The following PCDHA1 variants were observed in gnomAD, a reference collection of about 807,000 sequenced individuals.
PCDHA1 encodes protocadherin alpha 1, also known as protocadherin alpha-1.
A neutral mutation model predicts 61.3 loss-of-function variants in PCDHA1; 42 were observed. That is an observed-to-expected ratio of 0.69 (90% CI 0.54 to 0.89). The LOEUF (loss-of-function observed/expected upper bound fraction) is 0.89, where lower values mean the gene tolerates loss of function less well. Among genes scored for constraint, PCDHA1 ranks in the 40% least tolerant of loss-of-function variants. The pLI is 0.00. For missense variants in PCDHA1, 1,256 were observed against 1,235.3 expected (o/e 1.02, Z -0.25); for synonymous variants, 610 against 553.8 (o/e 1.10, Z -1.43).
At chr5:140,883,105 C>T in intron 1 of PCDHA1, 1 of 1,614,056 alleles carries the variant, frequency 6.2e-7, no homozygotes, top group Non-Finnish European at 8.5e-7. Context: ...ATATAGTTTA[C>T]TCATTTAGAA....
intron 1 of PCDHA1, among the ~76,000 whole-genome samples, chr5:140,958,944 T>G (rs199974895): frequency 1.0e-5 from 1 of 100,018 alleles, no homozygotes; most frequent in African/African-American, 4.8e-5. Context: ...TGTAATAATA[T>G]TATATTATTA....
intron 1 of PCDHA1, among the ~76,000 whole-genome samples, chr5:140,934,050 C>T (rs558726288): frequency 6.6e-6 from 1 of 151,952 alleles, no homozygotes; most frequent in East Asian, 1.9e-4. Flanking sequence ...TTAGTCTTTC[C>T]AAGGCTAACT....
chr5:140,823,502 T>A, intron 1 of PCDHA1: 23 of 1,613,260 alleles, frequency 1.4e-5, no homozygotes, highest in Non-Finnish European at 1.9e-5. Context: ...GGCGGCGCAG[T>A]GAGCGAGCTG....
At chr5:140,863,631 G>A (rs2048100597) in intron 1 of PCDHA1, 1 of 306,834 alleles carries the variant, frequency 3.3e-6, no homozygotes, top group Non-Finnish European at 6.4e-6. Flanking sequence ...CATTGATAAT[G>A]TTCACCAAGT....
At chr5:140,790,529 G>T (rs1220868938) in intron 1 of PCDHA1, among the ~76,000 whole-genome samples, 3 of 152,002 alleles carry the variant, frequency 2.0e-5, no homozygotes, top group African/African-American at 4.8e-5. Context: ...ATATATTATC[G>T]TACTCAGCCT....
At chr5:140,823,803 G>A in intron 1 of PCDHA1, 4 of 1,613,842 alleles carry the variant, frequency 2.5e-6, no homozygotes, top group South Asian at 1.1e-5. Flanking sequence ...AGGCGCCGAA[G>A]GCCTCATCGC....
At chr5:140,927,033 G>T in intron 1 of PCDHA1, 1 of 1,612,344 alleles carries the variant, frequency 6.2e-7, no homozygotes, top group Non-Finnish European at 8.5e-7. Context: ...GGCTGCCAGC[G>T]GCCGCTATGT....
rs563512273 is a variant in PCDHA1 at position 140,921,751 on chromosome 5, A to G, written c.2395-57198A>G. Among the ~76,000 whole-genome samples, 11 of 152,290 alleles carry G rather than the reference A, an allele frequency of 7.2e-5. No homozygotes were observed. The East Asian group carries it at 7.7e-4, about 11-fold the overall frequency. On this transcript the variant is annotated intron_variant, in intron 1 of 3. Coordinates refer to ENST00000504120, the MANE Select transcript of PCDHA1 (RefSeq NM_018900.4). ...ATAAAAATTATAAGCATAACAGGAC[A>G]CTTCTTGGCTACTATTCAATACTGA...
At chr5:140,898,366 A>G (rs1401153740) in intron 1 of PCDHA1, among the ~76,000 whole-genome samples, 1 of 152,132 alleles carries the variant, frequency 6.6e-6, no homozygotes, top group Non-Finnish European at 1.5e-5. Flanking sequence ...TAATTTTTGT[A>G]TAAGGTGTAA....
intron 1 of PCDHA1, chr5:140,850,438 T>A: frequency 6.3e-7 from 1 of 1,597,768 alleles, no homozygotes; most frequent in Non-Finnish European, 8.6e-7. Context: ...CAGCGCCTAC[T>A]GGTGCTGGTG....
At chr5:140,882,684 G>A (rs781811851) in intron 1 of PCDHA1, 3 of 1,614,172 alleles carry the variant, frequency 1.9e-6, no homozygotes, top group South Asian at 1.1e-5. Context: ...AGCAAGAAAC[G>A]AATAATCATT....
Position 140,786,572 on chromosome 5 carries a change from G to A in PCDHA1, c.282G>A (p.Glu94=), listed in dbSNP as rs782634367. 6.2e-7 allele frequency: 1 copy of A among 1,614,272 alleles called. No homozygotes were observed. Among genetic ancestry groups the A allele is most frequent in the South Asian group, 1.1e-5 (1 of 91,090 alleles). Reference sequence around the variant, plus strand: ...TGAATTCTCGGATCGATCGCGAGGAGCTGTGCCAGTGGAGCGCGGAGTGCA... The same window carrying A: ...TGAATTCTCGGATCGATCGCGAGGAACTGTGCCAGTGGAGCGCGGAGTGCA... ...LFVNSRIDRE[E]LCQWSAECSI... is the part of the protein sequence containing the mutation. The change falls in exon 1 of 4, where the codon GAG becomes GAA. Residue 94 remains glutamate, a synonymous_variant. Transcript: ENST00000504120.
chr5:141,007,478 G>A (rs1041976706), intron 3 of PCDHA1, among the ~76,000 whole-genome samples: 5 of 151,620 alleles, frequency 3.3e-5, no homozygotes, highest in Admixed American at 6.6e-5. Context: ...TGAGGCACGA[G>A]AATTACTTGG....
intron 1 of PCDHA1, among the ~76,000 whole-genome samples, chr5:140,916,814 G>A (rs1201189287): frequency 3.3e-5 from 5 of 152,112 alleles, no homozygotes; most frequent in African/African-American, 1.2e-4. Context: ...TAGGTCATGT[G>A]CCACCCCTAT....
chr5:140,842,826 G>C (rs2150345442), intron 1 of PCDHA1: 2 of 1,593,690 alleles, frequency 1.3e-6, no homozygotes, highest in East Asian at 2.2e-5. Context: ...GTGGGCGAGC[G>C]CTCGCTGTCG....
chr5:140,796,662 G>A (rs1319755218), intron 1 of PCDHA1: 9 of 1,613,872 alleles, frequency 5.6e-6, no homozygotes, highest in Admixed American at 1.7e-5. Context: ...CGGCACTGTT[G>A]GCGCCTAGGG....
intron 1 of PCDHA1, among the ~76,000 whole-genome samples, chr5:140,908,608 G>T (rs1350424326): frequency 6.6e-6 from 1 of 152,182 alleles, no homozygotes; most frequent in African/African-American, 2.4e-5. Flanking sequence ...GAAGGGCCTT[G>T]CTCCAAAATC....
chr5:140,997,133 C>A (rs1554255761), intron 3 of PCDHA1, among the ~76,000 whole-genome samples: 3 of 152,090 alleles, frequency 2.0e-5, no homozygotes, highest in Non-Finnish European at 4.4e-5. Flanking sequence ...ACAATGCCCC[C>A]ACACCCCCGC....
chr5:140,809,209 G>A lies in PCDHA1; in HGVS notation c.2394+20525G>A, dbSNP rs1764395414. 8 of 1,614,072 alleles carry A rather than the reference G, an allele frequency of 5.0e-6. No individual in the cohort carries two copies. The East Asian group carries it at 1.8e-4, about 36-fold the overall frequency. On this transcript the variant is annotated intron_variant, in intron 1 of 3. Coordinates refer to ENST00000504120, the MANE Select transcript of PCDHA1 (RefSeq NM_018900.4). The stretch of plus-strand genomic sequence containing the variant: ...TGGTGTCACTTGTGGAGAGTGGACA[G>A]GCGCCAAAGGCCTCCTCACGGGCGT...
Sources: gnomAD v4.1 joint callset for allele counts (sites outside exome capture counted in the v4.1 genomes callset) on GRCh38, gnomAD v4.1.1 for gene constraint, MANE v1.5 for transcripts, NCBI Gene and HGNC (gene_info 2026-07-23, HGNC 2026-07-21) for gene names.